Variants in CPNE8 observed in about 807,000 individuals in gnomAD.
The protein encoded by CPNE8 is copine 8, also known as copine-8.
CPNE8 carries 45 observed loss-of-function variants against 81.5 expected under a neutral mutation model. That is an observed-to-expected ratio of 0.55 (90% CI 0.44 to 0.71). CPNE8 has a LOEUF of 0.71. Ranked by LOEUF, CPNE8 falls within the 30% of genes least tolerant of loss-of-function variation. CPNE8 has a pLI of 0.00. For synonymous variants in CPNE8, 252 were observed against 226.3 expected (o/e 1.11, Z -1.02); for missense variants, 594 against 672.1 (o/e 0.88, Z 1.28).
intron 11 of CPNE8, among the ~76,000 whole-genome samples, chr12:38,728,963 CTTCT>C (rs1429482208): frequency 2.0e-5 from 3 of 152,218 alleles, no homozygotes; most frequent in Admixed American, 2.0e-4. Flanking sequence ...CATTATTAAG[CTTCT>C]TTGTCATCTC....
At chr12:38,797,814 G>A (rs886367658) in intron 6 of CPNE8, among the ~76,000 whole-genome samples, 8 of 152,204 alleles carry the variant, frequency 5.3e-5, no homozygotes, top group African/African-American at 9.6e-5. Context: ...AAATTTAGAC[G>A]AATGTATAAC....
At chr12:38,796,358 A>G (rs2136942858) in intron 6 of CPNE8, among the ~76,000 whole-genome samples, 1 of 152,316 alleles carries the variant, frequency 6.6e-6, no homozygotes, top group East Asian at 1.9e-4. Flanking sequence ...TTTATAAAAT[A>G]ATGCAAATTT....
intron 8 of CPNE8, among the ~76,000 whole-genome samples, chr12:38,766,619 A>G (rs1322204504): frequency 4.3e-4 from 65 of 152,300 alleles, no homozygotes; most frequent in African/African-American, 1.3e-3. Flanking sequence ...CAAACTGTCT[A>G]TATTATGCAA....
At chr12:38,676,991 AC>A (rs1939303858) in intron 17 of CPNE8, among the ~76,000 whole-genome samples, 3 of 51,146 alleles carry the variant, frequency 5.9e-5, no homozygotes, top group Non-Finnish European at 5.4e-4. Context: ...CAATCAAATA[AC>A]CCTAAAAAAA....
intron 19 of CPNE8, among the ~76,000 whole-genome samples, chr12:38,658,156 A>T (rs1938866956): frequency 6.6e-6 from 1 of 152,306 alleles, no homozygotes; most frequent in Non-Finnish European, 1.5e-5. Context: ...CCTTGAAAAA[A>T]GGTTAGACGA....
intron 15 of CPNE8, among the ~76,000 whole-genome samples, chr12:38,688,050 A>C (rs542908947): frequency 2.4e-4 from 36 of 152,324 alleles, no homozygotes; most frequent in African/African-American, 8.4e-4. Flanking sequence ...ATTAAAACTC[A>C]TTACTGATTT....
At chr12:38,848,087 A>G (rs1483831507) in intron 4 of CPNE8, among the ~76,000 whole-genome samples, 2 of 152,206 alleles carry the variant, frequency 1.3e-5, no homozygotes, top group Non-Finnish European at 2.9e-5. Flanking sequence ...GTATCAAAGT[A>G]ACAAGAATAC....
intron 19 of CPNE8, among the ~76,000 whole-genome samples, chr12:38,657,896 A>C (rs542092619): frequency 6.6e-6 from 1 of 152,290 alleles, no homozygotes; most frequent in South Asian, 2.1e-4. Flanking sequence ...TCTATAGGTC[A>C]CCAACATCAA....
intron 1 of CPNE8, among the ~76,000 whole-genome samples, chr12:38,887,652 A>G (rs1046595867): frequency 6.6e-6 from 1 of 152,202 alleles, no homozygotes; most frequent in Admixed American, 6.5e-5. Context: ...CTTTCAAAAC[A>G]CTTTATTAAT....
chr12:38,720,899 G>A (rs1940545952), intron 13 of CPNE8: 1 of 152,612 alleles, frequency 6.6e-6, no homozygotes, highest in Non-Finnish European at 1.5e-5. Flanking sequence ...GAGCAGGCAG[G>A]AGCTGCCCCC....
chr12:38,789,256 A>T (rs1942269564), intron 6 of CPNE8, among the ~76,000 whole-genome samples: 2 of 151,950 alleles, frequency 1.3e-5, no homozygotes, highest in Admixed American at 1.3e-4. Flanking sequence ...AAGTAGACAC[A>T]TAGCCCAATG....
At chr12:38,867,362 G>A (rs1246741695) in intron 3 of CPNE8, among the ~76,000 whole-genome samples, 1 of 151,550 alleles carries the variant, frequency 6.6e-6, no homozygotes, top group Non-Finnish European at 1.5e-5. Flanking sequence ...GAGAGAGAGA[G>A]AGAGAGACAG....
At position 38,723,828 on chromosome 12, in the gene CPNE8, A is replaced by G; in HGVS notation, c.858T>C (p.Thr286=). Residue 286 remains threonine (T), a synonymous_variant, in exon 13 of 20, where the codon ACT becomes ACC. Transcript: ENST00000331366. ...CTGTTTCTACCAAGAAAGAGAGTAA[A>G]GTTACCTGAAAAAGAAAAAGACAGA... ...KKKYTNSGTV[T]LLSFLVETEV... is the part of the protein sequence containing the mutation. The G allele has an allele frequency of 6.4e-7, 1 of 1,571,658 alleles. No homozygotes were observed. The highest frequency in any genetic ancestry group is 8.7e-7 in the Non-Finnish European group (1 of 1,143,676).
chr12:38,717,140 A>G (rs1187477113), intron 13 of CPNE8, among the ~76,000 whole-genome samples: 2 of 151,962 alleles, frequency 1.3e-5, no homozygotes, highest in African/African-American at 4.8e-5. Flanking sequence ...AAAAAACAAT[A>G]GATGTTAGCA....
At chr12:38,766,838 A>G (rs922296613) in intron 8 of CPNE8, among the ~76,000 whole-genome samples, 4 of 152,144 alleles carry the variant, frequency 2.6e-5, no homozygotes, top group Admixed American at 2.6e-4. Flanking sequence ...TATGTGTTGG[A>G]CAAACTTAGT....
At chr12:38,718,536 A>G (rs779484787) in intron 13 of CPNE8, among the ~76,000 whole-genome samples, 1 of 152,206 alleles carries the variant, frequency 6.6e-6, no homozygotes, top group Non-Finnish European at 1.5e-5. Context: ...AAAATGAAAA[A>G]GGAGGGGCAC....
chr12:38,784,346 C>T (rs1328550366), intron 6 of CPNE8, among the ~76,000 whole-genome samples: 1 of 151,718 alleles, frequency 6.6e-6, no homozygotes, highest in Non-Finnish European at 1.5e-5. Flanking sequence ...GAATGAAAAA[C>T]AAAAAAGCAT....
At chr12:38,852,257 G>A (rs1051890918) in intron 3 of CPNE8, among the ~76,000 whole-genome samples, 4 of 151,764 alleles carry the variant, frequency 2.6e-5, no homozygotes, top group Non-Finnish European at 4.4e-5. Flanking sequence ...GAGAAACCCC[G>A]TCTCTACTAA....
chr12:38,749,024 C>T lies in CPNE8; in HGVS notation c.722+11823G>A, dbSNP rs552412995. On this transcript the variant is annotated intron_variant, in intron 10 of 19. Transcript: ENST00000331366. ...GTTGACATGGTTTGGCTCTGTGTCC[C>T]CACCCAAATCTCATCTTGTAGCTCC... 3.9e-5 allele frequency among the ~76,000 whole-genome samples: 6 copies of T among 151,988 alleles called. No homozygotes were observed. The South Asian group carries it at 1.2e-3, about 32-fold the overall frequency.
Sources: gnomAD v4.1 joint callset for allele counts (sites outside exome capture counted in the v4.1 genomes callset) on GRCh38, gnomAD v4.1.1 for gene constraint, MANE v1.5 for transcripts, NCBI Gene and HGNC (gene_info 2026-07-23, HGNC 2026-07-21) for gene names.